The following NFIB variants were observed in gnomAD, a reference collection of about 807,000 sequenced individuals.
NFIB encodes nuclear factor 1 B-type.
NFIB carries 11 observed loss-of-function variants against 61.5 expected under a neutral mutation model. That is an observed-to-expected ratio of 0.18 (90% CI 0.11 to 0.30). NFIB has a LOEUF of 0.30. Ranked by LOEUF, NFIB falls within the 10% of genes least tolerant of loss-of-function variation. NFIB has a pLI of 1.00. For missense variants in NFIB, 471 were observed against 608.9 expected (o/e 0.77, Z 2.38); for synonymous variants, 260 against 216.5 (o/e 1.20, Z -1.76).
At chr9:14,348,386 A>G (rs2061060676) in intron 1 of NFIB, among the ~76,000 whole-genome samples, 1 of 151,052 alleles carries the variant, frequency 6.6e-6, no homozygotes, top group South Asian at 2.1e-4. Context: ...AGCCTGAAGC[A>G]GCTTATTTAG....
intron 3 of NFIB, among the ~76,000 whole-genome samples, chr9:14,171,255 C>T (rs543724684): frequency 6.0e-4 from 92 of 152,322 alleles, no homozygotes; most frequent in Non-Finnish European, 4.6e-4. Flanking sequence ...ACCAAGTTCC[C>T]TTCCTTTCCC....
chr9:14,165,143 G>C (rs2044638152), intron 3 of NFIB, among the ~76,000 whole-genome samples: 1 of 152,136 alleles, frequency 6.6e-6, no homozygotes, highest in Non-Finnish European at 1.5e-5. Flanking sequence ...TTTGAAAACA[G>C]CACCAGGTCC....
At chr9:14,296,386 C>G (rs868864097) in intron 2 of NFIB, among the ~76,000 whole-genome samples, 1 of 152,238 alleles carries the variant, frequency 6.6e-6, no homozygotes, top group Non-Finnish European at 1.5e-5. Context: ...AGATAAATGG[C>G]AGAGCCAAGA....
upstream of NFIB, chr9:14,314,558 G>T (rs1313574425): frequency 6.6e-6 from 1 of 151,912 alleles, no homozygotes; most frequent in Non-Finnish European, 1.5e-5. Context: ...AAATTCACCG[G>T]TTCCACCCTC....
chr9:14,272,007 G>A (rs757140793), intron 2 of NFIB, among the ~76,000 whole-genome samples: 2 of 152,174 alleles, frequency 1.3e-5, no homozygotes, highest in Non-Finnish European at 2.9e-5. Flanking sequence ...CTAACCATGA[G>A]TGCATAAGAC....
At chr9:14,292,510 G>A (rs2059170000) in intron 2 of NFIB, among the ~76,000 whole-genome samples, 1 of 152,298 alleles carries the variant, frequency 6.6e-6, no homozygotes, top group South Asian at 2.1e-4. Flanking sequence ...ACTATGAAGA[G>A]GACTGCTCTC....
At chr9:14,459,761 GA>G in the NFIB span, among the ~76,000 whole-genome samples, 1 of 151,406 alleles carries the variant, frequency 6.6e-6, no homozygotes, top group East Asian at 1.9e-4. Context: ...AAAGACACAT[GA>G]AAAAATGCTC....
the NFIB span, among the ~76,000 whole-genome samples, chr9:14,453,441 T>C: frequency 6.6e-6 from 1 of 152,204 alleles, no homozygotes; most frequent in Non-Finnish European, 1.5e-5. Context: ...TAGCTTAAGA[T>C]CTAATCATCT....
the NFIB span, among the ~76,000 whole-genome samples, chr9:14,422,043 A>T: frequency 1.3e-5 from 2 of 152,198 alleles, no homozygotes; most frequent in African/African-American, 4.8e-5. Context: ...GTACAGAAAA[A>T]GTAATTATAT....
chr9:14,487,382 G>C, the NFIB span, among the ~76,000 whole-genome samples: 1 of 152,218 alleles, frequency 6.6e-6, no homozygotes, highest in South Asian at 2.1e-4. Flanking sequence ...GTAACTGGCA[G>C]AGAGAAACAC....
intron 2 of NFIB, among the ~76,000 whole-genome samples, chr9:14,251,593 C>A (rs1042723405): frequency 6.6e-6 from 1 of 152,184 alleles, no homozygotes; most frequent in Non-Finnish European, 1.5e-5. Flanking sequence ...CAAGTGGTAT[C>A]GGTGAACTAG....
chr9:14,465,969 G>A, the NFIB span, among the ~76,000 whole-genome samples: 11 of 152,168 alleles, frequency 7.2e-5, no homozygotes, highest in Admixed American at 1.3e-4. Flanking sequence ...CATGGAGGTC[G>A]TAGGCCCCCA....
chr9:14,408,505 G>A, the NFIB span, among the ~76,000 whole-genome samples: 6 of 152,010 alleles, frequency 3.9e-5, no homozygotes, highest in Admixed American at 3.3e-4. Flanking sequence ...CGGGAATACA[G>A]AAAAAAAGGG....
chr9:14,346,943 C>A (rs2061030843), intron 1 of NFIB, among the ~76,000 whole-genome samples: 1 of 152,092 alleles, frequency 6.6e-6, no homozygotes, highest in African/African-American at 2.4e-5. Flanking sequence ...GAGGCACTTA[C>A]TGTGAGGCCG....
chr9:14,130,599 GCTTAC>G (rs1254553544), intron 6 of NFIB, among the ~76,000 whole-genome samples: 1 of 151,812 alleles, frequency 6.6e-6, no homozygotes, highest in African/African-American at 2.4e-5. Context: ...GTGACTAATG[GCTTAC>G]CTCCTAAGGA....
intron 2 of NFIB, among the ~76,000 whole-genome samples, chr9:14,235,689 A>C (rs2053667849): frequency 6.6e-6 from 1 of 152,250 alleles, no homozygotes; most frequent in Non-Finnish European, 1.5e-5. Context: ...AATTACAATT[A>C]GGTGCTAAAT....
At chr9:14,194,131 A>G (rs989890309) in intron 2 of NFIB, among the ~76,000 whole-genome samples, 1 of 152,252 alleles carries the variant, frequency 6.6e-6, no homozygotes, top group Admixed American at 6.5e-5. Flanking sequence ...TCTATGCCAC[A>G]TAAGGCAAAC....
At chr9:14,099,102 G>C (rs1236076551) in intron 10 of NFIB, among the ~76,000 whole-genome samples, 1 of 152,120 alleles carries the variant, frequency 6.6e-6, no homozygotes, top group Non-Finnish European at 1.5e-5. Context: ...GGTGACCATG[G>C]AAAAGTGATT....
chr9:14,263,775 A>C (rs910925260), intron 2 of NFIB, among the ~76,000 whole-genome samples: 3 of 152,222 alleles, frequency 2.0e-5, no homozygotes, highest in African/African-American at 7.2e-5. Context: ...CAGACAAATA[A>C]AGTGGCCCAT....
Sources: gnomAD v4.1 joint callset for allele counts (sites outside exome capture counted in the v4.1 genomes callset) on GRCh38, gnomAD v4.1.1 for gene constraint, MANE v1.5 for transcripts, NCBI Gene and HGNC (gene_info 2026-07-23, HGNC 2026-07-21) for gene names.